SIPA1L2: variants seen among roughly 807,000 people sequenced by gnomAD.
SIPA1L2 encodes signal-induced proliferation-associated 1-like protein 2.
Under a neutral mutation model 163.9 loss-of-function variants are expected in SIPA1L2, and 56 were observed. The observed-to-expected ratio is 0.34, with a 90% CI of 0.28 to 0.43. The LOEUF (loss-of-function observed/expected upper bound fraction) is 0.43, where lower values mean the gene tolerates loss of function less well. SIPA1L2 is among the 20% of genes least tolerant of loss of function. The pLI, the probability that SIPA1L2 is intolerant of heterozygous loss-of-function variation, is 1.00. For synonymous variants in SIPA1L2, 877 were observed against 865.7 expected, an observed-to-expected ratio of 1.01 and a Z score of -0.23; for missense variants, 1,974 against 2,193.5, an observed-to-expected ratio of 0.90 and a Z score of 2.00.
intron 10 of SIPA1L2, among the ~76,000 whole-genome samples, chr1:232,446,437 A>G (rs1299886287): frequency 1.3e-5 from 2 of 152,190 alleles, no homozygotes; most frequent in Non-Finnish European, 2.9e-5. Flanking sequence ...TGTGGTGACT[A>G]TTTCACACAT....
chr1:232,566,517 G>C (rs766776016), intron 2 of SIPA1L2, among the ~76,000 whole-genome samples: 4 of 152,170 alleles, frequency 2.6e-5, no homozygotes, highest in Middle Eastern at 3.2e-3. Context: ...TTCACTAACG[G>C]AATATACAAA....
chr1:232,563,958 TGTGTGTGTGTGTGTG>T (rs1349519840), intron 2 of SIPA1L2, among the ~76,000 whole-genome samples: 1 of 49,792 alleles, frequency 2.0e-5, no homozygotes, highest in African/African-American at 1.0e-4. Context: ...TTTTTTTTCG[TGTGTGTGTGTGTGTG>T]TGTGTGTGTG....
At chr1:232,489,152 T>A (rs529981224) in intron 5 of SIPA1L2, among the ~76,000 whole-genome samples, 4 of 152,226 alleles carry the variant, frequency 2.6e-5, no homozygotes, top group African/African-American at 9.6e-5. Context: ...TGTAGTACAG[T>A]GATATATTTT....
intron 17 of SIPA1L2, among the ~76,000 whole-genome samples, chr1:232,426,952 T>C (rs1661940538): frequency 6.6e-6 from 1 of 152,236 alleles, no homozygotes; most frequent in Non-Finnish European, 1.5e-5. Flanking sequence ...TATTTACATT[T>C]ATGAATGTAG....
At chr1:232,399,302 T>C in intron 22 of SIPA1L2, 29 bp from the exon 23 acceptor site, 2 of 1,606,562 alleles carry the variant, frequency 1.2e-6, no homozygotes, top group Non-Finnish European at 8.5e-7. Context: ...AACTGAGTCA[T>C]GGAGACTGAT....
At chr1:232,408,900 G>C (rs1660792691) in intron 19 of SIPA1L2, among the ~76,000 whole-genome samples, 1 of 152,000 alleles carries the variant, frequency 6.6e-6, no homozygotes, top group South Asian at 2.1e-4. Flanking sequence ...CATTCTGTAT[G>C]TTCTCTCACT....
rs554055573 is a variant in SIPA1L2, at chr1:232,398,936, G to A, written c.*191C>T. ...AGTTACATTCATTCATCTTCACATC[G>A]GCGCTGCTCTCTGCCGTGGTTACCG... On this transcript the variant is annotated 3_prime_UTR_variant, in exon 23 of 23. Transcript: ENST00000674635. 4 of 638,092 alleles carry A rather than the reference G, an allele frequency of 6.3e-6. No individual in the cohort carries two copies. Among genetic ancestry groups the A allele is most frequent in the African/African-American group, 3.7e-5 (2 of 54,636 alleles). The allele number at this position is 638,092 out of a possible 1,614,324, so 39.5% of individuals were successfully genotyped here. A position where few individuals can be genotyped will look rare whatever the true frequency, so the allele number is the denominator to read the frequency against.
chr1:232,466,740 G>A (rs899927022), intron 8 of SIPA1L2, among the ~76,000 whole-genome samples: 3 of 152,106 alleles, frequency 2.0e-5, no homozygotes, highest in Non-Finnish European at 4.4e-5. Flanking sequence ...GCAGTGAGCC[G>A]AGATCACGCC....
intron 2 of SIPA1L2, among the ~76,000 whole-genome samples, chr1:232,547,764 T>C (rs528022808): frequency 6.5e-4 from 99 of 152,306 alleles, no homozygotes; most frequent in African/African-American, 2.2e-3. Flanking sequence ...TAGCCAACGT[T>C]ATCTCACTTC....
At chr1:232,437,366 G>T (rs775415293) in intron 15 of SIPA1L2, among the ~76,000 whole-genome samples, 2 of 152,146 alleles carry the variant, frequency 1.3e-5, no homozygotes, top group African/African-American at 2.4e-5. Context: ...GAATAATTCA[G>T]ATGACCAAAT....
intron 19 of SIPA1L2, among the ~76,000 whole-genome samples, chr1:232,404,648 A>T (rs1187970601): frequency 6.6e-6 from 1 of 152,174 alleles, no homozygotes; most frequent in Non-Finnish European, 1.5e-5. Flanking sequence ...CTTAATATTC[A>T]ATGTTTTAAG....
chr1:232,466,427 G>C (rs1664515641), intron 8 of SIPA1L2, among the ~76,000 whole-genome samples: 1 of 152,190 alleles, frequency 6.6e-6, no homozygotes, highest in African/African-American at 2.4e-5. Context: ...CCCTACATCA[G>C]AGAGTTGCTT....
chr1:232,572,706 T>C (rs111749856), intron 2 of SIPA1L2, among the ~76,000 whole-genome samples: 1,100 of 77,402 alleles, frequency 0.014, 26 homozygotes, highest in African/African-American at 0.039. Flanking sequence ...TATATATATA[T>C]ATATATATAT....
In SIPA1L2 at chr1:232,600,706, C is replaced by G. The variant is rs191337918; in HGVS notation, c.-318-26484G>C. Among the ~76,000 whole-genome samples the G allele has an allele frequency of 5.8e-4, 89 of 152,274 alleles. 2 individuals are homozygous for G. In the South Asian group the frequency reaches 7.0e-3, roughly 12 times the overall value. ...ACAATGGTCACCATGCACCTTACTT[C>G]TGAAGTGGGTAGGACGCTCAGCCGG... On this transcript the variant is annotated intron_variant, in intron 1 of 22. Coordinates refer to ENST00000674635, the MANE Select transcript of SIPA1L2 (RefSeq NM_020808.5).
chr1:232,498,034 T>A (rs184543601), intron 3 of SIPA1L2, among the ~76,000 whole-genome samples: 53 of 152,274 alleles, frequency 3.5e-4, no homozygotes, highest in Admixed American at 1.5e-3. Context: ...TTACTCATGA[T>A]TCAAGACTCA....
At chr1:232,555,948 T>C (rs1397544001) in intron 2 of SIPA1L2, among the ~76,000 whole-genome samples, 2 of 152,206 alleles carry the variant, frequency 1.3e-5, no homozygotes, top group Non-Finnish European at 2.9e-5. Flanking sequence ...TTGAATAGCA[T>C]TTTGCAGAGA....
At chr1:232,618,954 C>T (rs953398176) in intron 1 of SIPA1L2, among the ~76,000 whole-genome samples, 2 of 152,166 alleles carry the variant, frequency 1.3e-5, no homozygotes, top group Non-Finnish European at 2.9e-5. Flanking sequence ...GACCATCTTA[C>T]GTGATAGACA....
In SIPA1L2 at chr1:232,465,076, G is replaced by C; in HGVS notation, c.2584C>G (p.Arg862Gly). ...IGAIMWHVIA[R>G]DFGQSADIEC... ...ATGTCAGCAGACTGGCCGAAGTCCC[G>C]GGCTATCACGTGCCACATGATGGCC... The change falls in exon 9 of 23, where the codon CGG becomes GGG. Residue 862 changes from arginine (R) to glycine (G), a missense_variant. By Grantham distance (125) the Arg-to-Gly change is moderately radical (BLOSUM62 -2). Coordinates refer to ENST00000674635, the MANE Select transcript of SIPA1L2 (RefSeq NM_020808.5). The surrounding 1 kb of genome is among the most constrained non-coding windows in gnomAD (Gnocchi z 4.1). The C allele has an allele frequency of 6.2e-7, 1 of 1,614,078 alleles. No homozygotes were observed. The highest frequency in any genetic ancestry group is 2.2e-5 in the East Asian group (1 of 44,888).
intron 4 of SIPA1L2, among the ~76,000 whole-genome samples, chr1:232,492,684 A>T (rs1271124521): frequency 6.6e-6 from 1 of 152,184 alleles, no homozygotes; most frequent in Non-Finnish European, 1.5e-5. Context: ...TTGGACTTGC[A>T]TGGGGCCTGT....
Sources: gnomAD v4.1 joint callset for allele counts (sites outside exome capture counted in the v4.1 genomes callset) on GRCh38, gnomAD v4.1.1 for gene constraint, Gnocchi (gnomAD v3.1) non-coding constraint, MANE v1.5 for transcripts, NCBI Gene and HGNC (gene_info 2026-07-23, HGNC 2026-07-21) for gene names.